Variants in CNOT1 observed in about 807,000 individuals in gnomAD.
CNOT1 encodes the protein CCR4-associated factor 1.
CNOT1 carries 15 observed loss-of-function variants against 273.8 expected under a neutral mutation model. The observed-to-expected ratio is 0.05, with a 90% CI of 0.04 to 0.08. The LOEUF is 0.08. Among genes scored for constraint, CNOT1 ranks in the 10% least tolerant of loss-of-function variants. The pLI, the probability that CNOT1 is intolerant of heterozygous loss-of-function variation, is 1.00. For synonymous variants in CNOT1, 1,022 were observed against 1,005.5 expected (o/e 1.02, Z -0.31); for missense variants, 1,644 against 2,912.2 (o/e 0.56, Z 10.02).
At chr16:58,568,658 C>A (rs777584519) in intron 16 of CNOT1, among the ~76,000 whole-genome samples, 13 of 150,572 alleles carry the variant, frequency 8.6e-5, no homozygotes, top group Non-Finnish European at 1.8e-4. Context: ...CCATCCTGGG[C>A]GACAGAGCGA....
Position 58,521,175 on chromosome 16 carries a change from G to T in CNOT1, c.7052+8C>A. Reference sequence around the variant, plus strand: ...TTCCTAGACAATTAAAAATTACTTTGAACTCACTTTTCGATTTCTGGGGCA... The same window carrying T: ...TTCCTAGACAATTAAAAATTACTTTTAACTCACTTTTCGATTTCTGGGGCA... On this transcript the variant is annotated splice_region_variant and intron_variant, in intron 48 of 48. Coordinates refer to ENST00000317147, the MANE Select transcript of CNOT1 (RefSeq NM_016284.5). 3 of 1,612,960 alleles carry T rather than the reference G, an allele frequency of 1.9e-6. No individual in the cohort carries two copies. Among genetic ancestry groups the T allele is most frequent in the Non-Finnish European group, 1.7e-6 (2 of 1,179,740 alleles).
intron 9 of CNOT1, 51 bp from the exon 10 acceptor site, chr16:58,582,954 C>A (rs772427297): frequency 1.2e-6 from 2 of 1,612,316 alleles, no homozygotes; most frequent in African/African-American, 1.3e-5. Flanking sequence ...CATGTGTTCA[C>A]TTCTGGTCGA....
intron 24 of CNOT1, 75 bp from the exon 25 acceptor site, chr16:58,549,973 C>T (rs1204308922): frequency 1.9e-6 from 3 of 1,584,522 alleles, no homozygotes; most frequent in Non-Finnish European, 1.7e-6. Context: ...ATGAACCATA[C>T]TATACAGCAC....
chr16:58,583,221 C>T (rs1567422255), intron 8 of CNOT1, 39 bp from the exon 9 acceptor site: 1 of 1,603,246 alleles, frequency 6.2e-7, no homozygotes, highest in Non-Finnish European at 8.5e-7. Context: ...TGCTACCAGC[C>T]TCAACACCGA....
intron 1 of CNOT1, among the ~76,000 whole-genome samples, chr16:58,617,166 T>C (rs9924228): frequency 0.32 from 48,646 of 151,692 alleles, 9,158 homozygotes; most frequent in East Asian, 0.57. Flanking sequence ...TTGAGACCCA[T>C]CTGGGGAACA....
intron 45 of CNOT1, among the ~76,000 whole-genome samples, chr16:58,525,705 T>C (rs996206724): frequency 1.1e-4 from 16 of 152,318 alleles, no homozygotes; most frequent in African/African-American, 3.4e-4. Context: ...AAATATCCTA[T>C]AGAGAAATGT....
At chr16:58,555,624 A>G in intron 20 of CNOT1, 87 bp from the exon 21 acceptor site, 1 of 1,544,596 alleles carries the variant, frequency 6.5e-7, no homozygotes, top group Non-Finnish European at 8.7e-7. Flanking sequence ...AAGACTATTA[A>G]GTAGAACATT....
At chr16:58,585,565 G>C (rs2041806477) in intron 7 of CNOT1, 59 bp from the exon 8 acceptor site, 1 of 1,561,294 alleles carries the variant, frequency 6.4e-7, no homozygotes, top group South Asian at 1.2e-5. Flanking sequence ...ATCCTCTTTT[G>C]CTCTATCCAA....
chr16:58,611,255 CCT>C (rs1222765509), intron 1 of CNOT1, among the ~76,000 whole-genome samples: 5 of 150,098 alleles, frequency 3.3e-5, no homozygotes, highest in African/African-American at 9.8e-5. Context: ...ACGGTGAAAC[CCT>C]GTCTCTGCTA....
chr16:58,537,598 G>A (rs2039965748), intron 38 of CNOT1, among the ~76,000 whole-genome samples: 1 of 152,150 alleles, frequency 6.6e-6, no homozygotes, highest in Admixed American at 6.5e-5. Flanking sequence ...GTTTAAGGAG[G>A]ATAAGTCAAT....
rs16960288 is a variant in CNOT1, at chr16:58,579,087, T to C, written c.1344-148A>G. On this transcript the variant is annotated intron_variant, in intron 12 of 48. Transcript: ENST00000317147. ...AGTTTGAAGTCCACAGCACTCTCTTTAAGAATTATTTTTGCCCCAAGAGGT... is the reference window on the plus strand; with the variant it reads ...AGTTTGAAGTCCACAGCACTCTCTTCAAGAATTATTTTTGCCCCAAGAGGT... 5.2e-4 allele frequency: 734 copies of C among 1,417,880 alleles called. 4 individuals carry two copies. The African/African-American group carries it at 9.4e-3, about 18-fold the overall frequency. The allele number at this position is 1,417,880 out of a possible 1,614,324, so 87.8% of individuals were successfully genotyped here.
At chr16:58,564,773 T>C (rs1039069032) in intron 16 of CNOT1, among the ~76,000 whole-genome samples, 3 of 151,902 alleles carry the variant, frequency 2.0e-5, no homozygotes, top group Admixed American at 1.3e-4. Context: ...CTACTATAAA[T>C]GCAAAAAATT....
At chr16:58,615,918 CTTT>C (rs762479250) in intron 1 of CNOT1, among the ~76,000 whole-genome samples, 2 of 104,340 alleles carry the variant, frequency 1.9e-5, no homozygotes, top group African/African-American at 3.1e-5. Flanking sequence ...CCCATCTCTA[CTTT>C]TTTTTTTTTT....
At chr16:58,568,698 G>A (rs12933867) in intron 16 of CNOT1, among the ~76,000 whole-genome samples, 7,482 of 144,874 alleles carry the variant, frequency 0.052, 251 homozygotes, top group Middle Eastern at 0.09. Context: ...AAAAAAGAGA[G>A]AAAAAAAAAA....
chr16:58,625,644 A>G (rs2043540028), intron 1 of CNOT1, among the ~76,000 whole-genome samples: 1 of 152,008 alleles, frequency 6.6e-6, no homozygotes, highest in Admixed American at 6.6e-5. Flanking sequence ...AGATCATACC[A>G]CTGCACTCCA....
At chr16:58,594,518 A>G (rs2042180069) in intron 2 of CNOT1, among the ~76,000 whole-genome samples, 2 of 151,818 alleles carry the variant, frequency 1.3e-5, no homozygotes, top group Admixed American at 6.6e-5. Flanking sequence ...AAAGGGTGAA[A>G]TCTGGCCAGG....
At chr16:58,551,890 G>A in intron 22 of CNOT1, 71 bp from the exon 23 acceptor site, 1 of 1,573,194 alleles carries the variant, frequency 6.4e-7, no homozygotes, top group African/African-American at 1.4e-5. Flanking sequence ...CCTCTTTTCT[G>A]AGAGGGTAAA....
At chr16:58,576,634 A>T in intron 13 of CNOT1, 52 bp from the exon 14 acceptor site, 1 of 1,606,774 alleles carries the variant, frequency 6.2e-7, no homozygotes, top group South Asian at 1.1e-5. Context: ...ACTGTGATAG[A>T]TATTATTACA....
intron 1 of CNOT1, among the ~76,000 whole-genome samples, 164 bp downstream of exon 1, chr16:58,629,564 C>A (rs913772086): frequency 4.6e-5 from 7 of 152,164 alleles, no homozygotes; most frequent in African/African-American, 1.7e-4. Flanking sequence ...CCGCCCTCTC[C>A]CGCCTCGTCC....
Sources: allele counts gnomAD v4.1 joint callset (sites outside exome capture counted in the v4.1 genomes callset), GRCh38; gene constraint gnomAD v4.1.1; transcripts MANE v1.5; gene names NCBI Gene and HGNC (gene_info 2026-07-23, HGNC 2026-07-21).